Variants in LRCH1 observed in about 807,000 individuals in gnomAD.
LRCH1 encodes the protein leucine rich repeats and calponin homology domain containing 1.
In LRCH1, 23 loss-of-function variants were observed where a neutral mutation model predicts 94.9. The ratio of observed to expected loss-of-function variants is 0.24; its 90% CI spans 0.17 to 0.34. The LOEUF (loss-of-function observed/expected upper bound fraction) is 0.34, where lower values mean the gene tolerates loss of function less well. Among genes scored for constraint, LRCH1 ranks in the 10% least tolerant of loss-of-function variants. LRCH1 has a pLI of 1.00. For synonymous variants in LRCH1, 364 were observed against 354.9 expected (o/e 1.03, Z -0.29); for missense variants, 790 against 945.9 (o/e 0.84, Z 2.16).
At chr13:46,619,399 C>A (rs900379231) in intron 1 of LRCH1, among the ~76,000 whole-genome samples, 1 of 152,134 alleles carries the variant, frequency 6.6e-6, no homozygotes, top group African/African-American at 2.4e-5. Flanking sequence ...CGTGACCCAC[C>A]ACGCCTGGCC....
At chr13:46,667,957 A>C (rs2051543354) in intron 2 of LRCH1, among the ~76,000 whole-genome samples, 1 of 152,216 alleles carries the variant, frequency 6.6e-6, no homozygotes, top group South Asian at 2.1e-4. Context: ...ATACACTCAC[A>C]CAGGAACACA....
chr13:46,742,620 C>A lies in LRCH1; in HGVS notation c.*772C>A, dbSNP rs1323588618. The A allele has an allele frequency of 1.0e-6, 1 of 985,308 alleles. No homozygotes were observed. Among genetic ancestry groups the A allele is most frequent in the African/African-American group, 1.7e-5 (1 of 57,232 alleles). The allele number at this position is 985,308 out of a possible 1,614,324, so 61.0% of individuals were successfully genotyped here. A position where few individuals can be genotyped will look rare whatever the true frequency, so the allele number is the denominator to read the frequency against. On this transcript the variant is annotated 3_prime_UTR_variant, in exon 20 of 20. Transcript: ENST00000389797. ...TTTACTGCTTAATTCCTTGTTAGGT[C>A]TTCTCTTGAGGCTCTTAGAAAAGCG... is the stretch of plus-strand genomic sequence containing the variant.
Position 46,735,788 on chromosome 13 carries a change from C to CTTTTTTTTTTTT in LRCH1, c.2085+1794_2085+1795insTTTTTTTTTTTT, listed in dbSNP as rs1288570749. Among the ~76,000 whole-genome samples, 42 of 69,896 alleles carry CTTTTTTTTTTTT rather than the reference C, an allele frequency of 6.0e-4. 11 individuals carry two copies. Among genetic ancestry groups the CTTTTTTTTTTTT allele is most frequent in the Admixed American group, 1.1e-3 (5 of 4,396 alleles). 45.9% of individuals were successfully genotyped at this position (69,896 alleles called of 152,430 possible). A position where few individuals can be genotyped will look rare whatever the true frequency, so the allele number is the denominator to read the frequency against. On this transcript the variant is annotated intron_variant, in intron 19 of 19. Transcript: ENST00000389797. ...AGGTGATTTTCCTTTTTTTCTTTTT[C>CTTTTTTTTTTTT]TTTTCTTTTTTTTTTTTTTTTCGAG... is the stretch of plus-strand genomic sequence containing the variant.
intron 3 of LRCH1, among the ~76,000 whole-genome samples, chr13:46,670,907 A>G (rs17068588): frequency 0.035 from 5,377 of 152,258 alleles, 124 homozygotes; most frequent in South Asian, 0.059. Flanking sequence ...GCTTGGGAGT[A>G]GGAAGCCGTT....
intron 1 of LRCH1, among the ~76,000 whole-genome samples, chr13:46,556,595 T>G (rs181389571): frequency 2.0e-4 from 30 of 152,290 alleles, no homozygotes; most frequent in Admixed American, 1.1e-3. Context: ...CTGCATGATC[T>G]TAGTCCCCAC....
At chr13:46,558,598 A>T (rs1030777763) in intron 1 of LRCH1, among the ~76,000 whole-genome samples, 4 of 143,678 alleles carry the variant, frequency 2.8e-5, no homozygotes, top group South Asian at 2.2e-4. Flanking sequence ...AAAAAAAAAA[A>T]GCTGGGTTCC....
intron 1 of LRCH1, among the ~76,000 whole-genome samples, chr13:46,584,494 T>C (rs2050408606): frequency 6.6e-6 from 1 of 152,212 alleles, no homozygotes; most frequent in Admixed American, 6.5e-5. Context: ...TTTCCTGTTA[T>C]CACATGGCAA....
intron 16 of LRCH1, among the ~76,000 whole-genome samples, chr13:46,719,626 TC>T (rs1872505265): frequency 6.6e-6 from 1 of 152,236 alleles, no homozygotes; most frequent in African/African-American, 2.4e-5. Context: ...CGTAAGCATT[TC>T]ATTATACCCT....
intron 13 of LRCH1, among the ~76,000 whole-genome samples, chr13:46,707,070 A>G (rs1194130478): frequency 6.6e-6 from 1 of 152,240 alleles, no homozygotes; most frequent in Non-Finnish European, 1.5e-5. Context: ...TCTATCACCC[A>G]TCCTCCAAAT....
exon 19 of LRCH1, chr13:46,750,564 A>G: frequency 6.4e-7 from 1 of 1,551,830 alleles, no homozygotes; most frequent in Non-Finnish European, 8.7e-7. Flanking sequence ...CCCCCACCAC[A>G]TCCTTGAAGA....
At chr13:46,563,078 T>C in intron 1 of LRCH1, among the ~76,000 whole-genome samples, 1 of 152,196 alleles carries the variant, frequency 6.6e-6, no homozygotes, top group East Asian at 1.9e-4. Context: ...TAAAATCAAA[T>C]GAGTTATAGT....
Position 46,728,850 on chromosome 13 carries a change from A to G in LRCH1, c.1873A>G (p.Ile625Val). 1 of 1,604,614 alleles carries G rather than the reference A, an allele frequency of 6.2e-7. No individual in the cohort carries two copies. The highest frequency in any genetic ancestry group is 8.5e-7 in the Non-Finnish European group (1 of 1,174,238). ...TTCCTTCTGATTTCCCCAACAGAGC[A>G]TTGAGATGAGATTGAAGGTCAGTCT... is the stretch of plus-strand genomic sequence containing the variant. ...KELVEQLRES[I>V]EMRLKVSLHE... The change falls in exon 18 of 20, where the codon ATT becomes GTT. Residue 625 changes from isoleucine to valine, a missense_variant. By Grantham distance (29) the Ile-to-Val change is conservative. Coordinates refer to ENST00000389797, the MANE Select transcript of LRCH1 (RefSeq NM_001164211.2).
intron 1 of LRCH1, among the ~76,000 whole-genome samples, chr13:46,608,581 T>C (rs955251812): frequency 2.0e-5 from 3 of 152,234 alleles, no homozygotes; most frequent in Non-Finnish European, 4.4e-5. Flanking sequence ...TTTCCTGAGT[T>C]TACAGATTGG....
chr13:46,614,653 T>C (rs992689932), intron 1 of LRCH1, among the ~76,000 whole-genome samples: 3 of 152,244 alleles, frequency 2.0e-5, no homozygotes, highest in African/African-American at 7.2e-5. Flanking sequence ...ATTGTTGTTT[T>C]TCATTTGAAA....
At chr13:46,712,620 T>G in intron 15 of LRCH1, 23 bp downstream of exon 15, 1 of 1,598,294 alleles carries the variant, frequency 6.3e-7, no homozygotes, top group Non-Finnish European at 8.6e-7. Flanking sequence ...CTCAGCCCAT[T>G]CTTACACTAA....
intron 1 of LRCH1, among the ~76,000 whole-genome samples, chr13:46,617,183 G>T (rs2050820161): frequency 6.6e-6 from 1 of 152,194 alleles, no homozygotes; most frequent in Non-Finnish European, 1.5e-5. Flanking sequence ...GTCTGAAGAT[G>T]TGATTTTGGT....
chr13:46,700,592 T>C (rs842397), intron 10 of LRCH1, among the ~76,000 whole-genome samples: 120,638 of 152,180 alleles, frequency 0.79, 47,977 homozygotes, highest in African/African-American at 0.87. Context: ...AATGCTGAAC[T>C]CCTAGTCAGA....
Position 46,742,001 on chromosome 13 carries a change from T to G in LRCH1, c.*153T>G. 6.7e-7 allele frequency: 1 copy of G among 1,491,624 alleles called. No individual in the cohort carries two copies. The highest frequency in any genetic ancestry group is 1.4e-5 in the South Asian group (1 of 72,936). 92.4% of individuals were successfully genotyped at this position (1,491,624 alleles called of 1,614,324 possible). ...AGCTGAACAGTAGCAAATCAGATTTTCCAGAAGCACAAACTTTGTAGAATA... is the reference window on the plus strand; with the variant it reads ...AGCTGAACAGTAGCAAATCAGATTTGCCAGAAGCACAAACTTTGTAGAATA... On this transcript the variant is annotated 3_prime_UTR_variant, in exon 20 of 20. Transcript: ENST00000389797.
chr13:46,585,356 T>A (rs909912618), intron 1 of LRCH1, among the ~76,000 whole-genome samples: 1 of 151,952 alleles, frequency 6.6e-6, no homozygotes, highest in African/African-American at 2.4e-5. Flanking sequence ...GGCAGGCGGA[T>A]CACGAGGTCA....
Sources: gnomAD v4.1 joint callset for allele counts (sites outside exome capture counted in the v4.1 genomes callset) on GRCh38, gnomAD v4.1.1 for gene constraint, MANE v1.5 for transcripts, NCBI Gene and HGNC (gene_info 2026-07-23, HGNC 2026-07-21) for gene names.